Variants in CDH4 observed in about 807,000 individuals in gnomAD.
The protein encoded by CDH4 is cadherin-4.
CDH4 carries 33 observed loss-of-function variants against 86.0 expected under a neutral mutation model. That is an observed-to-expected ratio of 0.38 (90% CI 0.29 to 0.51). CDH4 has a LOEUF of 0.51. Ranked by LOEUF, CDH4 falls within the 20% of genes least tolerant of loss-of-function variation. The pLI is 0.86. For missense variants in CDH4, 1,114 were observed against 1,307.4 expected, an observed-to-expected ratio of 0.85 and a Z score of 2.28; for synonymous variants, 555 against 549.4, an observed-to-expected ratio of 1.01 and a Z score of -0.14.
intron 2 of CDH4, among the ~76,000 whole-genome samples, chr20:61,502,195 A>G (rs1467374862): frequency 6.6e-6 from 1 of 152,182 alleles, no homozygotes; most frequent in Admixed American, 6.5e-5. Context: ...CTCTGCTCCA[A>G]TGCAGCATCT....
chr20:61,671,925 GGATGGATGGATGATAGAT>G lies in CDH4; in HGVS notation c.170-71636_170-71619del, dbSNP rs2087393827. On this transcript the variant is annotated intron_variant, in intron 2 of 15. Coordinates refer to ENST00000614565, the MANE Select transcript of CDH4 (RefSeq NM_001794.5). ...ATGGATGGATGAGTAGGTGGATGCA[GGATGGATGGATGATAGAT>G]GGTGGATGGATGTATGGTTGAATAA... is the stretch of plus-strand genomic sequence containing the variant. Among the ~76,000 whole-genome samples, 6 of 151,616 alleles carry G rather than the reference GGATGGATGGATGATAGAT, an allele frequency of 4.0e-5. No individual in the cohort carries two copies. The South Asian group carries it at 1.1e-3, about 27-fold the overall frequency.
chr20:61,895,175 G>A (rs1201549058), intron 8 of CDH4, 128 bp downstream of exon 8: 2 of 1,150,922 alleles, frequency 1.7e-6, no homozygotes, highest in Non-Finnish European at 2.5e-6. Flanking sequence ...GTGTAAGAAA[G>A]GCCCTGGGCA....
At chr20:61,556,714 GCCCCCAGTGGAGGT>G (rs1402830889) in intron 2 of CDH4, among the ~76,000 whole-genome samples, 1 of 152,094 alleles carries the variant, frequency 6.6e-6, no homozygotes, top group Non-Finnish European at 1.5e-5. Context: ...CTTCTCCAGT[GCCCCCAGTGGAGGT>G]CCCCCAGTCT....
chr20:61,296,317 A>G (rs1172745459), intron 2 of CDH4, among the ~76,000 whole-genome samples: 2 of 144,650 alleles, frequency 1.4e-5, no homozygotes, highest in Admixed American at 6.8e-5. Flanking sequence ...GTGTGTGTGC[A>G]TGCGTGCGTG....
At chr20:61,576,790 G>A (rs1230785954) in intron 2 of CDH4, among the ~76,000 whole-genome samples, 1 of 152,224 alleles carries the variant, frequency 6.6e-6, no homozygotes, top group East Asian at 1.9e-4. Context: ...GGGCCTGTAT[G>A]AGTGCGTGGA....
Position 61,798,199 on chromosome 20 carries a change from G to T in CDH4, c.576+25017G>T, listed in dbSNP as rs8125818. 2.3e-4 allele frequency among the ~76,000 whole-genome samples: 35 copies of T among 151,868 alleles called. No individual in the cohort carries two copies. The South Asian group carries it at 3.9e-3, about 17-fold the overall frequency. ...CCCCCGCCCCGCCCGGCCCTGCCCC[G>T]GGCTCTGTGGCAGCACCTCCTGCCA... On this transcript the variant is annotated intron_variant, in intron 4 of 15. Transcript: ENST00000614565.
intron 2 of CDH4, among the ~76,000 whole-genome samples, chr20:61,701,127 C>T (rs1240170034): frequency 1.3e-5 from 2 of 152,298 alleles, no homozygotes; most frequent in East Asian, 3.9e-4. Flanking sequence ...TTGCAGGTGC[C>T]ATCTTCTTCC....
chr20:61,603,480 G>C (rs1367854129), intron 2 of CDH4, among the ~76,000 whole-genome samples: 1 of 152,192 alleles, frequency 6.6e-6, no homozygotes, highest in Non-Finnish European at 1.5e-5. Flanking sequence ...AGCCAGGAGA[G>C]GGTTCCTGCT....
At chr20:61,845,535 C>T (rs7508966) in intron 5 of CDH4, among the ~76,000 whole-genome samples, 2 of 152,338 alleles carry the variant, frequency 1.3e-5, no homozygotes, top group Non-Finnish European at 2.9e-5. Context: ...CTGTCCATCA[C>T]GTGTAGGTGA....
chr20:61,345,588 G>T (rs570849870), intron 2 of CDH4, among the ~76,000 whole-genome samples: 1 of 152,330 alleles, frequency 6.6e-6, no homozygotes, highest in South Asian at 2.1e-4. Flanking sequence ...CACTCCTCAC[G>T]ATGCCTTCAT....
chr20:61,667,010 G>A (rs949056432), intron 2 of CDH4, among the ~76,000 whole-genome samples: 3 of 152,232 alleles, frequency 2.0e-5, no homozygotes, highest in Non-Finnish European at 4.4e-5. Context: ...GGCAGCCCAC[G>A]CAGTGCTGGC....
At chr20:61,562,589 C>T (rs1429633275) in intron 2 of CDH4, among the ~76,000 whole-genome samples, 2 of 152,194 alleles carry the variant, frequency 1.3e-5, no homozygotes, top group Non-Finnish European at 2.9e-5. Flanking sequence ...GAGCACAGAA[C>T]GGCCTGCTTC....
At chr20:61,383,536 AAT>A (rs1356904470) in intron 2 of CDH4, among the ~76,000 whole-genome samples, 1 of 13,600 alleles carries the variant, frequency 7.4e-5, no homozygotes, top group East Asian at 1.3e-3. Flanking sequence ...AATATATATG[AAT>A]ATATATGAAT....
intron 4 of CDH4, among the ~76,000 whole-genome samples, chr20:61,837,120 G>A (rs1203424698): frequency 2.6e-5 from 4 of 152,222 alleles, no homozygotes; most frequent in Non-Finnish European, 5.9e-5. Context: ...TTCAGCCCAG[G>A]AGTTGAAGGC....
At chr20:61,376,617 G>A (rs1352049659) in intron 2 of CDH4, among the ~76,000 whole-genome samples, 1 of 152,126 alleles carries the variant, frequency 6.6e-6, no homozygotes, top group African/African-American at 2.4e-5. Context: ...AGGCTAGTCT[G>A]GGGCCATGAT....
intron 2 of CDH4, among the ~76,000 whole-genome samples, chr20:61,260,126 G>A (rs1167371577): frequency 6.6e-6 from 1 of 152,178 alleles, no homozygotes; most frequent in Non-Finnish European, 1.5e-5. Context: ...TAGGAAAACT[G>A]CACACTAGCA....
At chr20:61,635,821 T>C (rs2086940875) in intron 2 of CDH4, among the ~76,000 whole-genome samples, 1 of 152,216 alleles carries the variant, frequency 6.6e-6, no homozygotes, top group African/African-American at 2.4e-5. Flanking sequence ...TTCCCCACTG[T>C]GCTCCCAGAG....
rs555805621 is a variant in CDH4 at position 61,595,970 on chromosome 20, G to A, written c.170-147593G>A. ...GGCTCAGGGCAAGGAGGGGCCACTC[G>A]CTCTCAGCTGCACATTGCCCCTTGG... is the stretch of plus-strand genomic sequence containing the variant. On this transcript the variant is annotated intron_variant, in intron 2 of 15. Transcript: ENST00000614565. Among the ~76,000 whole-genome samples the A allele has an allele frequency of 1.2e-4, 18 of 152,332 alleles. No homozygotes were observed. The South Asian group carries it at 1.2e-3, about 11-fold the overall frequency.
chr20:61,890,861 C>G (rs901915776), intron 7 of CDH4, among the ~76,000 whole-genome samples: 1 of 152,128 alleles, frequency 6.6e-6, no homozygotes, highest in African/African-American at 2.4e-5. Flanking sequence ...AGGTCTGTAT[C>G]TGGCACTTTG....
Sources: allele counts gnomAD v4.1 joint callset (sites outside exome capture counted in the v4.1 genomes callset), GRCh38; gene constraint gnomAD v4.1.1; transcripts MANE v1.5; gene names NCBI Gene and HGNC (gene_info 2026-07-23, HGNC 2026-07-21).